SCTR: variants seen among roughly 807,000 people sequenced by gnomAD.
SCTR encodes the protein pancreatic secretin receptor.
SCTR carries 56 observed loss-of-function variants against 60.8 expected under a neutral mutation model. The ratio of observed to expected loss-of-function variants is 0.92; its 90% CI spans 0.74 to 1.15. The LOEUF (loss-of-function observed/expected upper bound fraction) is 1.15, where lower values mean the gene tolerates loss of function less well. Among genes scored for constraint, SCTR ranks in the 50% most tolerant of loss-of-function variants. The pLI is 0.00. For missense variants in SCTR, 562 were observed against 550.4 expected (o/e 1.02, Z -0.21); for synonymous variants, 202 against 217.0 (o/e 0.93, Z 0.61).
chr2:119,462,160 G>A (rs1002602232), intron 6 of SCTR, among the ~76,000 whole-genome samples, 160 bp from the exon 7 acceptor site: 4 of 152,316 alleles, frequency 2.6e-5, no homozygotes, highest in Middle Eastern at 3.4e-3. Context: ...TCCTCCATCA[G>A]GCCTGCAGCA....
chr2:119,508,202 G>T (rs764428749), intron 1 of SCTR, among the ~76,000 whole-genome samples: 5 of 152,046 alleles, frequency 3.3e-5, no homozygotes, highest in Non-Finnish European at 2.9e-5. Context: ...TCTACGTGTG[G>T]ATATTGCGGT....
At chr2:119,462,325 C>G (rs998541127) in intron 6 of SCTR, among the ~76,000 whole-genome samples, 22 of 152,212 alleles carry the variant, frequency 1.4e-4, no homozygotes. Flanking sequence ...GTGTCGGATA[C>G]TGCCCAATCC....
intron 4 of SCTR, 29 bp from the exon 5 acceptor site, chr2:119,465,915 C>A: frequency 6.5e-7 from 1 of 1,536,374 alleles, no homozygotes; most frequent in Non-Finnish European, 9.0e-7. Flanking sequence ...GTCAGCCCCG[C>A]CGGCCCTCCT....
intron 2 of SCTR, among the ~76,000 whole-genome samples, chr2:119,484,246 T>A (rs1313761321): frequency 6.6e-6 from 1 of 152,202 alleles, no homozygotes; most frequent in Non-Finnish European, 1.5e-5. Flanking sequence ...ATTAGCTGTG[T>A]GGGCAGGCAG....
At chr2:119,468,260 A>G (rs1683920482) in intron 4 of SCTR, among the ~76,000 whole-genome samples, 2 of 152,248 alleles carry the variant, frequency 1.3e-5, no homozygotes, top group Admixed American at 6.5e-5. Context: ...AGGCACAAGA[A>G]TAGAATAGGG....
At chr2:119,446,609 G>C (rs553162034) in intron 11 of SCTR, 150 bp downstream of exon 11, 2 of 634,962 alleles carry the variant, frequency 3.1e-6, no homozygotes, top group Non-Finnish European at 4.7e-6. Context: ...TCCCACTCAG[G>C]GACCTGTAGC....
intron 1 of SCTR, among the ~76,000 whole-genome samples, chr2:119,509,603 G>A (rs1678867988): frequency 6.6e-6 from 1 of 152,152 alleles, no homozygotes; most frequent in South Asian, 2.1e-4. Flanking sequence ...CAACAATGGA[G>A]GATAGTTTAA....
intron 3 of SCTR, among the ~76,000 whole-genome samples, chr2:119,477,678 C>G (rs1308427352): frequency 1.3e-5 from 2 of 152,198 alleles, no homozygotes; most frequent in South Asian, 4.2e-4. Flanking sequence ...CTCGAACTCC[C>G]GACCTCAGGA....
intron 2 of SCTR, among the ~76,000 whole-genome samples, chr2:119,493,935 C>T (rs1441050874): frequency 6.6e-6 from 1 of 152,178 alleles, no homozygotes; most frequent in Non-Finnish European, 1.5e-5. Context: ...GCCACCACGC[C>T]TGGCCACCTC....
intron 11 of SCTR, among the ~76,000 whole-genome samples, chr2:119,445,623 C>T (rs1035254131): frequency 6.6e-5 from 10 of 152,158 alleles, no homozygotes; most frequent in African/African-American, 2.4e-4. Context: ...CTTGGCTGGA[C>T]AATATCGCCC....
chr2:119,472,806 T>C (rs1189398335), intron 4 of SCTR, among the ~76,000 whole-genome samples: 1 of 152,138 alleles, frequency 6.6e-6, no homozygotes, highest in Non-Finnish European at 1.5e-5. Flanking sequence ...CACGCTCAGC[T>C]AATTTTTAAA....
intron 1 of SCTR, among the ~76,000 whole-genome samples, chr2:119,519,939 C>T (rs574739292): frequency 6.6e-6 from 1 of 151,646 alleles, no homozygotes; most frequent in Admixed American, 6.6e-5. Flanking sequence ...AAGCAAATGG[C>T]TTCACATCTA....
At chr2:119,472,457 G>A (rs1223482806) in intron 4 of SCTR, among the ~76,000 whole-genome samples, 1 of 152,222 alleles carries the variant, frequency 6.6e-6, no homozygotes, top group Non-Finnish European at 1.5e-5. Context: ...GGAAAGGACA[G>A]TGATGCAGAG....
At chr2:119,506,470 A>ATATT (rs76472643) in intron 1 of SCTR, among the ~76,000 whole-genome samples, 77,980 of 149,060 alleles carry the variant, frequency 0.52, 20,742 homozygotes, top group East Asian at 0.85. Flanking sequence ...TTATTTTATA[A>ATATT]TATTTATTTA....
chr2:119,470,820 C>T (rs1230328895), intron 4 of SCTR, among the ~76,000 whole-genome samples: 1 of 152,218 alleles, frequency 6.6e-6, no homozygotes, highest in Non-Finnish European at 1.5e-5. Context: ...TGTGCCTCAG[C>T]CTCCCAAGTA....
intron 2 of SCTR, among the ~76,000 whole-genome samples, chr2:119,481,666 G>A (rs1351993000): frequency 1.3e-5 from 2 of 152,160 alleles, no homozygotes; most frequent in Admixed American, 6.5e-5. Context: ...TCTTCACCTT[G>A]GTACCTGGGT....
At chr2:119,462,589 C>T (rs1313167422) in intron 6 of SCTR, among the ~76,000 whole-genome samples, 1 of 152,176 alleles carries the variant, frequency 6.6e-6, no homozygotes, top group African/African-American at 2.4e-5. Flanking sequence ...ACAGGCATGT[C>T]CCCTGCAGGG....
rs773086614 is a variant in SCTR at position 119,478,795 on chromosome 2, T to C, written c.301+16A>G. ...CCCTCAGCCTGTCCGCCAGGCCCCATGGGCCGAGTGGTTACCATTTCTGCT... is the reference window on the plus strand; with the variant it reads ...CCCTCAGCCTGTCCGCCAGGCCCCACGGGCCGAGTGGTTACCATTTCTGCT... On this transcript the variant is annotated intron_variant, in intron 3 of 12. Coordinates refer to ENST00000019103, the MANE Select transcript of SCTR (RefSeq NM_002980.3). 1.3e-5 allele frequency: 21 copies of C among 1,613,492 alleles called. No homozygotes were observed. The highest frequency in any genetic ancestry group is 3.3e-5 in the Admixed American group (2 of 59,990).
chr2:119,479,296 C>G, intron 2 of SCTR: 1 of 1,002,710 alleles, frequency 1.0e-6, no homozygotes, highest in Non-Finnish European at 1.2e-6. Flanking sequence ...GGTCTCCCTT[C>G]TAGCTTCATG....
Sources: gnomAD v4.1 joint callset for allele counts (sites outside exome capture counted in the v4.1 genomes callset) on GRCh38, gnomAD v4.1.1 for gene constraint, MANE v1.5 for transcripts, NCBI Gene and HGNC (gene_info 2026-07-23, HGNC 2026-07-21) for gene names.